Variants in MYO5B observed in about 807,000 individuals in gnomAD.
MYO5B encodes the protein unconventional myosin-Vb.
In MYO5B, 143 loss-of-function variants were observed where a neutral mutation model predicts 229.3. The observed-to-expected ratio is 0.62, with a 90% CI of 0.54 to 0.72. The LOEUF is 0.72. MYO5B is among the 30% of genes least tolerant of loss of function. The pLI is 0.00. For missense variants in MYO5B, 2,321 were observed against 2,331.0 expected, an observed-to-expected ratio of 1.00 and a Z score of 0.09; for synonymous variants, 918 against 885.2, an observed-to-expected ratio of 1.04 and a Z score of -0.66.
At chr18:50,165,253 CA>C (rs1406903240) in intron 1 of MYO5B, among the ~76,000 whole-genome samples, 1 of 151,824 alleles carries the variant, frequency 6.6e-6, no homozygotes, top group Non-Finnish European at 1.5e-5. Context: ...GTGGCTGAGG[CA>C]GGAGGATCAC....
At chr18:50,095,944 C>T (rs1314947704) in intron 1 of MYO5B, among the ~76,000 whole-genome samples, 1 of 152,194 alleles carries the variant, frequency 6.6e-6, no homozygotes, top group Admixed American at 6.5e-5. Context: ...AAATGTGAGT[C>T]GGTCCCAAGT....
intron 1 of MYO5B, among the ~76,000 whole-genome samples, chr18:50,166,026 A>G (rs1400715868): frequency 3.3e-5 from 5 of 152,230 alleles, no homozygotes; most frequent in Admixed American, 1.3e-4. Context: ...CACCAAAGTG[A>G]CAGGCAACTC....
At chr18:50,022,346 AC>A (rs2026284894) in intron 4 of MYO5B, among the ~76,000 whole-genome samples, 1 of 152,230 alleles carries the variant, frequency 6.6e-6, no homozygotes, top group Non-Finnish European at 1.5e-5. Flanking sequence ...TTCATATATC[AC>A]TTATGATACT....
intron 1 of MYO5B, among the ~76,000 whole-genome samples, chr18:50,186,945 T>G (rs890982994): frequency 1.3e-5 from 2 of 152,312 alleles, no homozygotes; most frequent in African/African-American, 4.8e-5. Context: ...ATCAGACAAC[T>G]GCATTTCTTC....
intron 22 of MYO5B, among the ~76,000 whole-genome samples, chr18:49,890,830 T>A (rs572917344): frequency 1.4e-4 from 21 of 152,228 alleles, no homozygotes; most frequent in Non-Finnish European, 2.2e-4. Context: ...CTGAGAATGT[T>A]CTTCTAAGTA....
chr18:50,143,520 G>A (rs1395350969), intron 1 of MYO5B, among the ~76,000 whole-genome samples: 2 of 152,190 alleles, frequency 1.3e-5, no homozygotes, highest in Non-Finnish European at 2.9e-5. Context: ...TGGGGCATTA[G>A]AGCGGTTGAT....
At chr18:49,890,200 C>G (rs1247439491) in intron 22 of MYO5B, among the ~76,000 whole-genome samples, 1 of 152,230 alleles carries the variant, frequency 6.6e-6, no homozygotes, top group Non-Finnish European at 1.5e-5. Flanking sequence ...TTGGCAGACA[C>G]AGCAGGTAAC....
intron 1 of MYO5B, among the ~76,000 whole-genome samples, chr18:50,119,514 G>A (rs1323485034): frequency 6.6e-6 from 1 of 152,126 alleles, no homozygotes; most frequent in Non-Finnish European, 1.5e-5. Flanking sequence ...CAGTTCGCAT[G>A]ACAGGGTCAG....
chr18:50,027,722 A>C (rs1334802270), intron 4 of MYO5B, among the ~76,000 whole-genome samples: 1 of 152,218 alleles, frequency 6.6e-6, no homozygotes, highest in Non-Finnish European at 1.5e-5. Flanking sequence ...ACATTACAGG[A>C]ATCTATCCAG....
chr18:50,061,666 C>T (rs1026100097), intron 1 of MYO5B, among the ~76,000 whole-genome samples: 1 of 152,182 alleles, frequency 6.6e-6, no homozygotes, highest in African/African-American at 2.4e-5. Context: ...ATATCCCACA[C>T]TTGAATAGTT....
intron 4 of MYO5B, among the ~76,000 whole-genome samples, chr18:50,028,011 G>A (rs749576655): frequency 6.6e-6 from 1 of 152,276 alleles, no homozygotes; most frequent in East Asian, 1.9e-4. Flanking sequence ...GAGGTTACCT[G>A]GGGATGGAGG....
chr18:49,898,662 C>A (rs1040924706), intron 21 of MYO5B, among the ~76,000 whole-genome samples: 2 of 152,148 alleles, frequency 1.3e-5, no homozygotes, highest in East Asian at 3.8e-4. Context: ...GTCAGCACCA[C>A]GGACAGCTCC....
intron 1 of MYO5B, among the ~76,000 whole-genome samples, chr18:50,072,953 T>C (rs555068760): frequency 6.6e-6 from 1 of 152,142 alleles, no homozygotes; most frequent in East Asian, 1.9e-4. Flanking sequence ...ATCAGCTGAG[T>C]TGAAGCCAGG....
chr18:49,904,912 C>T, intron 19 of MYO5B, 84 bp from the exon 20 acceptor site: 1 of 1,511,988 alleles, frequency 6.6e-7, no homozygotes, highest in Non-Finnish European at 9.0e-7. Flanking sequence ...TCTGCAAATG[C>T]AAACCTCTCC....
At chr18:49,895,262 C>T (rs1568021617) in intron 21 of MYO5B, 88 bp from the exon 22 acceptor site, 1 of 1,117,822 alleles carries the variant, frequency 8.9e-7, no homozygotes, top group African/African-American at 1.5e-5. Context: ...TGAAGGCAAT[C>T]AAAAAAGGAA....
At chr18:49,940,027 C>T (rs1399193629) in intron 14 of MYO5B, among the ~76,000 whole-genome samples, 18 of 152,098 alleles carry the variant, frequency 1.2e-4, no homozygotes, top group Admixed American at 1.1e-3. Flanking sequence ...TCTGCACTGC[C>T]GAGACCTTCA....
rs781030679 is a variant in MYO5B at position 49,895,262 on chromosome 18, C to CA, written c.2812-89dup. ...ACCAGGGAAAAAGCATGAAGGCAAT[C>CA]AAAAAAGGAACTTCCAAGGTAGGAT... On this transcript the variant is annotated intron_variant, in intron 21 of 39. Coordinates refer to ENST00000285039, the MANE Select transcript of MYO5B (RefSeq NM_001080467.3). 8.0e-5 allele frequency: 89 copies of CA among 1,118,014 alleles called. No homozygotes were observed. In the East Asian group the frequency reaches 8.0e-4, roughly 10 times the overall value. The allele number at this position is 1,118,014 out of a possible 1,614,324, so 69.3% of individuals were successfully genotyped here.
chr18:50,010,873 T>C (rs145604144), intron 4 of MYO5B, among the ~76,000 whole-genome samples: 4,135 of 152,286 alleles, frequency 0.027, 74 homozygotes, highest in Non-Finnish European at 0.043. Flanking sequence ...TAAAATGATT[T>C]TTCCTTGGCC....
At position 50,096,744 on chromosome 18, in the gene MYO5B, T is replaced by C. The variant is rs112117850; in HGVS notation, c.28-41366A>G. On this transcript the variant is annotated intron_variant, in intron 1 of 39. Transcript: ENST00000285039. ...TACTCTTAAAAAATCATCATCACCG[T>C]CATCATCAAACCCCCTTTGCCCTGC... Among the ~76,000 whole-genome samples, 1,488 of 152,318 alleles carry C rather than the reference T, an allele frequency of 9.8e-3. 28 individuals carry two copies. Among genetic ancestry groups the C allele is most frequent in the African/African-American group, 0.034 (1,406 of 41,582 alleles).
Sources: allele counts gnomAD v4.1 joint callset (sites outside exome capture counted in the v4.1 genomes callset), GRCh38; gene constraint gnomAD v4.1.1; transcripts MANE v1.5; gene names NCBI Gene and HGNC (gene_info 2026-07-23, HGNC 2026-07-21).